TACC2: variants seen among roughly 807,000 people sequenced by gnomAD.
The protein encoded by TACC2 is transforming acidic coiled-coil containing protein 2.
TACC2 carries 137 observed loss-of-function variants against 227.3 expected under a neutral mutation model. The observed-to-expected ratio is 0.60, with a 90% CI of 0.52 to 0.69. The LOEUF (loss-of-function observed/expected upper bound fraction) is 0.69, where lower values mean the gene tolerates loss of function less well. TACC2 is among the 30% of genes least tolerant of loss of function. The probability of loss-of-function intolerance (pLI) is 0.00; values close to 1 mark genes in which losing one functional copy is unlikely to be tolerated. For synonymous variants in TACC2, 1,523 were observed against 1,487.5 expected (o/e 1.02, Z -0.55); for missense variants, 3,470 against 3,694.4 (o/e 0.94, Z 1.57).
rs774361794 is a variant in TACC2, at chr10:122,243,615, A to AT, written c.8392+1615dup. Among the ~76,000 whole-genome samples, 329 of 152,194 alleles carry AT rather than the reference A, an allele frequency of 2.2e-3. 1 individual carries two copies. The highest frequency in any genetic ancestry group is 4.0e-3 in the Non-Finnish European group (270 of 67,996). ...GAATTTATGAACACATATGGATAAG[A>AT]TAAAAAAAAAAACTCTTGGAGTTGA... On this transcript the variant is annotated intron_variant, in intron 19 of 22. Coordinates refer to ENST00000369005, the MANE Select transcript of TACC2 (RefSeq NM_206862.4).
intron 7 of TACC2, among the ~76,000 whole-genome samples, chr10:122,156,073 G>T (rs1272143853): frequency 6.1e-4 from 93 of 151,842 alleles, no homozygotes; most frequent in Non-Finnish European, 4.4e-5. Context: ...TCCTGACCTT[G>T]TGATCCGCCT....
Position 122,211,718 on chromosome 10 carries a change from G to T in TACC2, c.7283+10G>T, listed in dbSNP as rs972979138. 1 of 1,534,196 alleles carries T rather than the reference G, an allele frequency of 6.5e-7. No individual in the cohort carries two copies. Among genetic ancestry groups the T allele is most frequent in the Non-Finnish European group, 8.7e-7 (1 of 1,146,520 alleles). ...AGACGCCCCTAAAGACGTAAGTTCAGGGGTGGAGGTGGTAAGGATCAGAGG... is the reference window on the plus strand; with the variant it reads ...AGACGCCCCTAAAGACGTAAGTTCATGGGTGGAGGTGGTAAGGATCAGAGG... On this transcript the variant is annotated intron_variant, in intron 9 of 22. Coordinates refer to ENST00000369005, the MANE Select transcript of TACC2 (RefSeq NM_206862.4).
chr10:122,178,573 C>G (rs2093838152), intron 7 of TACC2, among the ~76,000 whole-genome samples: 1 of 151,774 alleles, frequency 6.6e-6, no homozygotes, highest in African/African-American at 2.4e-5. Context: ...TCAGCGCATC[C>G]TGTGCTGAGT....
At chr10:122,223,427 G>A (rs2095561342) in intron 11 of TACC2, among the ~76,000 whole-genome samples, 1 of 152,114 alleles carries the variant, frequency 6.6e-6, no homozygotes, top group Non-Finnish European at 1.5e-5. Context: ...GTTCAGGCTT[G>A]GTGTGAGAGT....
In TACC2 at chr10:122,086,643, C is replaced by A; in HGVS notation, c.4143C>A (p.Ser1381=). Residue 1381 remains serine (S), a synonymous_variant, in exon 4 of 23, where the codon TCC becomes TCA. Transcript: ENST00000369005. The part of the protein sequence containing the change: ...EGSMERMGEP[S]QDPKQGTSGG... ...GCATGGAGAGGATGGGAGAGCCTTC[C>A]CAGGACCCAAAGCAGGGCACATCAG... The A allele has an allele frequency of 6.2e-7, 1 of 1,605,322 alleles. No individual in the cohort carries two copies. The highest frequency in any genetic ancestry group is 8.5e-7 in the Non-Finnish European group (1 of 1,175,538).
intron 7 of TACC2, among the ~76,000 whole-genome samples, chr10:122,187,501 T>G (rs2094246099): frequency 6.6e-6 from 1 of 152,122 alleles, no homozygotes; most frequent in African/African-American, 2.4e-5. Context: ...TCTTTCTTTT[T>G]TTTTTCTGAG....
At chr10:122,195,598 A>C (rs1191614955) in intron 8 of TACC2, among the ~76,000 whole-genome samples, 1 of 152,156 alleles carries the variant, frequency 6.6e-6, no homozygotes, top group Non-Finnish European at 1.5e-5. Context: ...TTCACAGCAG[A>C]TCATGGTGGT....
chr10:122,035,690 C>T (rs1960075486), intron 2 of TACC2, among the ~76,000 whole-genome samples: 1 of 152,296 alleles, frequency 6.6e-6, no homozygotes, highest in Non-Finnish European at 1.5e-5. Context: ...GTGCAACCAT[C>T]ACCGCCATCC....
In TACC2 at chr10:122,227,826, G is replaced by C. The variant is rs1023548913; in HGVS notation, c.7725-11G>C. On this transcript the variant is annotated splice_polypyrimidine_tract_variant and intron_variant, in intron 13 of 22. Transcript: ENST00000369005. Reference sequence around the variant, plus strand: ...AGAAGACTAAAGAAAGATGCCCTTTGCTTCCCCCAGGTCAAGTTTTGAAGA... The same window carrying C: ...AGAAGACTAAAGAAAGATGCCCTTTCCTTCCCCCAGGTCAAGTTTTGAAGA... 1.9e-6 allele frequency: 3 copies of C among 1,602,800 alleles called. No individual in the cohort carries two copies. The highest frequency in any genetic ancestry group is 2.6e-6 in the Non-Finnish European group (3 of 1,173,154).
chr10:122,044,203 C>T (rs903483139), intron 2 of TACC2, among the ~76,000 whole-genome samples: 8 of 152,226 alleles, frequency 5.3e-5, no homozygotes, highest in African/African-American at 1.4e-4. Flanking sequence ...ATTCCGTTTG[C>T]GGAAAGCTGA....
chr10:122,121,515 G>C (rs1458363664), intron 5 of TACC2, among the ~76,000 whole-genome samples: 2 of 152,194 alleles, frequency 1.3e-5, no homozygotes, highest in Non-Finnish European at 2.9e-5. Flanking sequence ...CTCTCCAGGG[G>C]GAGGAGGAAT....
chr10:122,227,278 G>C (rs2095647842), intron 13 of TACC2, among the ~76,000 whole-genome samples: 1 of 152,160 alleles, frequency 6.6e-6, no homozygotes, highest in Non-Finnish European at 1.5e-5. Flanking sequence ...AGTAAGTGTG[G>C]GCATTGCTGT....
At chr10:122,214,073 G>A (rs1263230512) in intron 9 of TACC2, among the ~76,000 whole-genome samples, 1 of 152,150 alleles carries the variant, frequency 6.6e-6, no homozygotes, top group African/African-American at 2.4e-5. Flanking sequence ...CCATGGCCAG[G>A]AGGGATCTGT....
In TACC2 at chr10:122,131,968, G is replaced by A. The variant is rs563400746; in HGVS notation, c.5574-641G>A. ...ACCCGTGAGGCGGCGGTTGCAATGA[G>A]CCGAGATCACGTCATTGCACTTCAG... is the stretch of plus-strand genomic sequence containing the variant. On this transcript the variant is annotated intron_variant, in intron 5 of 22. Coordinates refer to ENST00000369005, the MANE Select transcript of TACC2 (RefSeq NM_206862.4). Among the ~76,000 whole-genome samples the A allele has an allele frequency of 2.4e-4, 36 of 152,046 alleles. No homozygotes were observed. In the South Asian group the frequency reaches 6.4e-3, roughly 27 times the overall value.
chr10:122,118,418 G>A lies in TACC2; in HGVS notation c.5574-14191G>A, dbSNP rs562025984. Reference sequence around the variant, plus strand: ...CTCCCAGGTTGTCTTGTGGTCAGCCGTGTGCCAAGGTCTCTCTCTGACGGC... The same window carrying A: ...CTCCCAGGTTGTCTTGTGGTCAGCCATGTGCCAAGGTCTCTCTCTGACGGC... On this transcript the variant is annotated intron_variant, in intron 5 of 22. Coordinates refer to ENST00000369005, the MANE Select transcript of TACC2 (RefSeq NM_206862.4). 7.9e-5 allele frequency among the ~76,000 whole-genome samples: 12 copies of A among 152,300 alleles called. No homozygotes were observed. The East Asian group carries it at 9.6e-4, about 12-fold the overall frequency.
In TACC2 at chr10:122,085,731, A is replaced by G. The variant is rs1401867935; in HGVS notation, c.3231A>G (p.Pro1077=). 13 of 1,613,722 alleles carry G rather than the reference A, an allele frequency of 8.1e-6. No homozygotes were observed. The highest frequency in any genetic ancestry group is 1.1e-5 in the Non-Finnish European group (13 of 1,180,008). The change falls in exon 4 of 23, where the codon CCA becomes CCG. Residue 1077 remains proline (P), a synonymous_variant. Coordinates refer to ENST00000369005, the MANE Select transcript of TACC2 (RefSeq NM_206862.4). ...SPGVTPTQDA[P]ETEACDETQE... is the part of the protein sequence containing the mutation. The stretch of plus-strand genomic sequence containing the variant: ...GAGTCACACCCACCCAGGATGCCCC[A>G]GAGACAGAGGCATGTGATGAAACCC...
At chr10:122,215,330 A>C in intron 9 of TACC2, 61 bp from the exon 10 acceptor site, 2 of 1,476,304 alleles carry the variant, frequency 1.4e-6, no homozygotes, top group South Asian at 2.3e-5. Flanking sequence ...TCCGCTCTGT[A>C]CTGCTCTGGA....
chr10:122,233,635 C>T (rs1390681226), intron 16 of TACC2, among the ~76,000 whole-genome samples: 1 of 152,180 alleles, frequency 6.6e-6, no homozygotes, highest in Non-Finnish European at 1.5e-5. Flanking sequence ...CCCACCCATA[C>T]ACACACATTG....
chr10:122,123,256 C>T (rs535590305), intron 5 of TACC2, among the ~76,000 whole-genome samples: 127 of 152,224 alleles, frequency 8.3e-4, no homozygotes, highest in African/African-American at 2.9e-3. Flanking sequence ...TCACCCACCT[C>T]GGCCTCCCAA....
Sources: allele counts gnomAD v4.1 joint callset (sites outside exome capture counted in the v4.1 genomes callset), GRCh38; gene constraint gnomAD v4.1.1; transcripts MANE v1.5; gene names NCBI Gene and HGNC (gene_info 2026-07-23, HGNC 2026-07-21).